SSPN: variants seen among roughly 807,000 people sequenced by gnomAD.
SSPN encodes the protein K-ras oncogene-associated protein.
In SSPN, 15 loss-of-function variants were observed where a neutral mutation model predicts 19.1. The observed-to-expected ratio is 0.78, with a 90% CI of 0.52 to 1.21. The LOEUF is 1.21. SSPN is among the 50% of genes most tolerant of loss of function. The probability of loss-of-function intolerance (pLI) is 0.00; values close to 1 mark genes in which losing one functional copy is unlikely to be tolerated. For synonymous variants in SSPN, 147 were observed against 140.3 expected, an observed-to-expected ratio of 1.05 and a Z score of -0.34; for missense variants, 291 against 314.0, an observed-to-expected ratio of 0.93 and a Z score of 0.55.
chr12:26,168,337 G>T (rs1261294046), intron 1 of SSPN, among the ~76,000 whole-genome samples: 1 of 152,120 alleles, frequency 6.6e-6, no homozygotes, highest in East Asian at 1.9e-4. Flanking sequence ...TCTAAGGAAA[G>T]ATGAACAAAA....
chr12:26,181,364 ATTAT>A (rs1281478558), intron 1 of SSPN: 2 of 152,204 alleles, frequency 1.3e-5, no homozygotes, highest in Admixed American at 6.5e-5. Flanking sequence ...AAACAAAATT[ATTAT>A]TTAGGAACAA....
chr12:26,128,282 G>A (rs1944378292), intron 1 of SSPN, among the ~76,000 whole-genome samples: 1 of 152,222 alleles, frequency 6.6e-6, no homozygotes, highest in African/African-American at 2.4e-5. Flanking sequence ...GATGGAAAAG[G>A]GAGAGGTGTT....
chr12:26,125,175 A>T, intron 1 of SSPN: 1 of 351,566 alleles, frequency 2.8e-6, no homozygotes, highest in Non-Finnish European at 5.5e-6. Flanking sequence ...CGGCGAGAGA[A>T]GGCGAACGGC....
At chr12:26,153,191 A>G (rs1391512084) in intron 1 of SSPN, among the ~76,000 whole-genome samples, 1 of 152,186 alleles carries the variant, frequency 6.6e-6, no homozygotes, top group Admixed American at 6.5e-5. Flanking sequence ...CAGTTTTCTC[A>G]TTTGTTAAAT....
At chr12:26,171,383 A>G (rs1390093575) in intron 1 of SSPN, among the ~76,000 whole-genome samples, 2 of 152,216 alleles carry the variant, frequency 1.3e-5, no homozygotes, top group Non-Finnish European at 2.9e-5. Flanking sequence ...TTCTCAAACA[A>G]TAGTTTGGTG....
At chr12:26,121,994 C>G in exon 1 of SSPN, 2 of 1,542,916 alleles carry the variant, frequency 1.3e-6, no homozygotes, top group Non-Finnish European at 1.8e-6. Flanking sequence ...ACTTCTCACT[C>G]TGCTTGAACC....
Position 26,125,219 on chromosome 12 carries a change from G to C in SSPN, c.-31+3067G>C, listed in dbSNP as rs548001111. Reference sequence around the variant, plus strand: ...GCGGGGACACCTGATCAGGGCCACCGGAAAGGAAAAACAACTTCGGCCAAG... The same window carrying C: ...GCGGGGACACCTGATCAGGGCCACCCGAAAGGAAAAACAACTTCGGCCAAG... On this transcript the variant is annotated intron_variant, in intron 1 of 2. Transcript: ENST00000538142. The C allele has an allele frequency of 2.2e-3, 568 of 262,594 alleles. 4 individuals are homozygous for C. The highest frequency in any genetic ancestry group is 0.012 in the African/African-American group (532 of 44,974). The allele number at this position is 262,594 out of a possible 1,614,324, so 16.3% of individuals were successfully genotyped here. A position where few individuals can be genotyped will look rare whatever the true frequency, so the allele number is the denominator to read the frequency against.
chr12:26,178,660 G>C (rs1077585), intron 1 of SSPN, among the ~76,000 whole-genome samples: 56,459 of 151,988 alleles, frequency 0.37, 10,795 homozygotes, highest in East Asian at 0.53. Context: ...GAGTGGGTCT[G>C]GCTTAGGTGC....
intron 1 of SSPN, among the ~76,000 whole-genome samples, chr12:26,155,528 A>G (rs1249648897): frequency 1.3e-5 from 2 of 152,156 alleles, no homozygotes; most frequent in Admixed American, 1.3e-4. Flanking sequence ...TTTAAAAAAG[A>G]GTCTTTAGGC....
chr12:26,152,970 C>T (rs1228639284), intron 1 of SSPN, among the ~76,000 whole-genome samples: 1 of 152,208 alleles, frequency 6.6e-6, no homozygotes, highest in Admixed American at 6.5e-5. Context: ...GCCTCTGGGC[C>T]GTAGCACTTG....
intron 1 of SSPN, among the ~76,000 whole-genome samples, chr12:26,128,734 C>A (rs1944380793): frequency 1.3e-5 from 2 of 152,164 alleles, no homozygotes. Context: ...CCCCTTTGAG[C>A]TTATAATTAA....
intron 1 of SSPN, among the ~76,000 whole-genome samples, chr12:26,137,131 C>A (rs1944430142): frequency 6.6e-6 from 1 of 152,182 alleles, no homozygotes; most frequent in Non-Finnish European, 1.5e-5. Flanking sequence ...TGCTCAACAA[C>A]CCTTTGATAT....
At chr12:26,122,171 G>A (rs1451601292) in intron 1 of SSPN, 2 of 1,508,406 alleles carry the variant, frequency 1.3e-6, no homozygotes, top group Non-Finnish European at 8.9e-7. Flanking sequence ...GGCCGTGCGG[G>A]TGCTGGGGGT....
chr12:26,124,896 T>C, intron 1 of SSPN: 1 of 1,031,530 alleles, frequency 9.7e-7, no homozygotes, highest in Non-Finnish European at 1.5e-6. Context: ...TCTCTCTCGC[T>C]CTCCCTCTTC....
At chr12:26,215,499 T>G (rs1945038342) in intron 1 of SSPN, among the ~76,000 whole-genome samples, 1 of 152,238 alleles carries the variant, frequency 6.6e-6, no homozygotes, top group African/African-American at 2.4e-5. Flanking sequence ...TTGTGACAGC[T>G]GATTGCATGC....
chr12:26,169,308 C>G (rs1268362139), intron 1 of SSPN, among the ~76,000 whole-genome samples: 1 of 151,962 alleles, frequency 6.6e-6, no homozygotes, highest in African/African-American at 2.4e-5. Flanking sequence ...GTAATGACAG[C>G]CACTCATAAT....
intron 1 of SSPN, among the ~76,000 whole-genome samples, chr12:26,212,033 A>T (rs1164756811): frequency 6.6e-6 from 1 of 152,190 alleles, no homozygotes; most frequent in African/African-American, 2.4e-5. Flanking sequence ...TGGCAAATGC[A>T]TGAGCAAAAT....
intron 1 of SSPN, among the ~76,000 whole-genome samples, chr12:26,143,958 T>C (rs972730061): frequency 1.3e-5 from 2 of 152,150 alleles, no homozygotes; most frequent in Non-Finnish European, 2.9e-5. Flanking sequence ...CATCACTGTC[T>C]CCCATCACCC....
At chr12:26,138,338 T>C (rs1944440714) in intron 1 of SSPN, among the ~76,000 whole-genome samples, 1 of 152,206 alleles carries the variant, frequency 6.6e-6, no homozygotes, top group Non-Finnish European at 1.5e-5. Flanking sequence ...TATTTTCTCC[T>C]GAAAAACAAA....
Sources: allele counts gnomAD v4.1 joint callset (sites outside exome capture counted in the v4.1 genomes callset), GRCh38; gene constraint gnomAD v4.1.1; transcripts MANE v1.5; gene names NCBI Gene and HGNC (gene_info 2026-07-23, HGNC 2026-07-21).